Variants in SVIP observed in about 807,000 individuals in gnomAD.
The protein encoded by SVIP is small VCP/p97-interacting protein.
SVIP carries 14 observed loss-of-function variants against 12.9 expected under a neutral mutation model. That is an observed-to-expected ratio of 1.08 (90% CI 0.72 to 1.70). SVIP has a LOEUF of 1.70. Ranked by LOEUF, SVIP falls within the 40% of genes most tolerant of loss-of-function variation. The probability of loss-of-function intolerance (pLI) is 0.00; values close to 1 mark genes in which losing one functional copy is unlikely to be tolerated. For missense variants in SVIP, 93 were observed against 90.8 expected, an observed-to-expected ratio of 1.02 and a Z score of -0.10; for synonymous variants, 35 against 33.3, an observed-to-expected ratio of 1.05 and a Z score of -0.17.
chr11:22,828,079 A>G (rs1300836559), intron 1 of SVIP, among the ~76,000 whole-genome samples: 4 of 152,218 alleles, frequency 2.6e-5, no homozygotes, highest in African/African-American at 9.6e-5. Context: ...TAAAACAGAT[A>G]CAAGGTTTAC....
chr11:22,819,274 AAGG>A lies in SVIP; in HGVS notation c.*3842_*3844del, dbSNP rs909357754. ...GGGCATTTTAGGAGTTTGATAGGAA[AAGG>A]AGTTTAGCATAACTCCTTGATATCT... On this transcript the variant is annotated 3_prime_UTR_variant, in exon 4 of 4. Transcript: ENST00000354193. 2 of 152,214 alleles carry A rather than the reference AAGG, an allele frequency of 1.3e-5. No homozygotes were observed. Among genetic ancestry groups the A allele is most frequent in the African/African-American group, 4.8e-5 (2 of 41,460 alleles). The allele number at this position is 152,214 out of a possible 1,614,324, so 9.4% of individuals were successfully genotyped here.
rs1857491825 is a variant in SVIP, at chr11:22,821,693, C to T, written c.*1426G>A. The T allele has an allele frequency of 6.6e-6, 1 of 152,058 alleles. No individual in the cohort carries two copies. The highest frequency in any genetic ancestry group is 2.4e-5 in the African/African-American group (1 of 41,394). The allele number at this position is 152,058 out of a possible 1,614,324, so 9.4% of individuals were successfully genotyped here. On this transcript the variant is annotated 3_prime_UTR_variant, in exon 4 of 4. Coordinates refer to ENST00000354193, the MANE Select transcript of SVIP (RefSeq NM_148893.3). ...AAAATATAGTTCAATGATTTCACTA[C>T]CCTTTATGAACAAAAACAGCACGAA... is the stretch of plus-strand genomic sequence containing the variant.
intron 2 of SVIP, 122 bp from the exon 3 acceptor site, chr11:22,827,442 T>G: frequency 1.3e-6 from 1 of 771,754 alleles, no homozygotes; most frequent in East Asian, 2.7e-5. Context: ...GGTTTATTTT[T>G]GGTAACATAG....
In SVIP at chr11:22,821,163, T is replaced by C. The variant is rs1857471967; in HGVS notation, c.*1956A>G. On this transcript the variant is annotated 3_prime_UTR_variant, in exon 4 of 4. Coordinates refer to ENST00000354193, the MANE Select transcript of SVIP (RefSeq NM_148893.3). ...ATATATATATATAATTTTTTAGTCA[T>C]GTTTTTAGTCATTTGCTTTTTTTTT... The C allele has an allele frequency of 2.0e-5, 3 of 148,230 alleles. No individual in the cohort carries two copies. Among genetic ancestry groups the C allele is most frequent in the East Asian group, 2.0e-4 (1 of 5,126 alleles). 9.2% of individuals were successfully genotyped at this position (148,230 alleles called of 1,614,324 possible). A position where few individuals can be genotyped will look rare whatever the true frequency, so the allele number is the denominator to read the frequency against.
intron 1 of SVIP, among the ~76,000 whole-genome samples, chr11:22,828,912 T>C (rs749842640): frequency 6.6e-6 from 1 of 152,074 alleles, no homozygotes; most frequent in Non-Finnish European, 1.5e-5. Context: ...AGTACTAATG[T>C]AAAGATACTG....
Position 22,823,504 on chromosome 11 carries a change from G to A in SVIP, c.220-371C>T, listed in dbSNP as rs149828877. The stretch of plus-strand genomic sequence containing the variant: ...TCCAGTCCCTCCCTAAAGACAGGAC[G>A]TCCTTCAATGCTTTAGCCCAAGGAG... On this transcript the variant is annotated intron_variant, in intron 3 of 3. Transcript: ENST00000354193. Among the ~76,000 whole-genome samples, 3 of 152,202 alleles carry A rather than the reference G, an allele frequency of 2.0e-5. No individual in the cohort carries two copies. The East Asian group carries it at 5.8e-4, about 29-fold the overall frequency.
chr11:22,825,137 G>A (rs546734671), intron 3 of SVIP, among the ~76,000 whole-genome samples: 4 of 152,092 alleles, frequency 2.6e-5, no homozygotes, highest in African/African-American at 9.6e-5. Flanking sequence ...GTAGAGTCAG[G>A]TCAGAAAGAC....
rs1857780748 is a variant in SVIP, at chr11:22,827,847, C to A, written c.82G>T (p.Ala28Ser). ...LEEKRAKLAEAAERRQKEAAS... is the reference protein window; with the variant it reads ...LEEKRAKLAESAERRQKEAAS... ...ACCTCTTTTTGTCTTCTCTCTGCAGCCTCTGCAAGCTTTGCTCTTTTCTCT... is the reference window on the plus strand; with the variant it reads ...ACCTCTTTTTGTCTTCTCTCTGCAGACTCTGCAAGCTTTGCTCTTTTCTCT... The change falls in exon 2 of 4, where the codon GCT (alanine) becomes TCT (serine). Residue 28 changes from alanine to serine, a missense_variant. Ala to Ser is a moderately conservative substitution (Grantham distance 99). Coordinates refer to ENST00000354193, the MANE Select transcript of SVIP (RefSeq NM_148893.3). 1 of 1,582,524 alleles carries A rather than the reference C, an allele frequency of 6.3e-7. No individual in the cohort carries two copies. The highest frequency in any genetic ancestry group is 1.7e-5 in the Admixed American group (1 of 57,716).
Position 22,821,657 on chromosome 11 carries a change from A to G in SVIP, c.*1462T>C, listed in dbSNP as rs2134741082. Reference sequence around the variant, plus strand: ...AAAAATCATTTTAATAAAATCAAAAATTTTCATTCTAAAATATAGTTCAAT... The same window carrying G: ...AAAAATCATTTTAATAAAATCAAAAGTTTTCATTCTAAAATATAGTTCAAT... On this transcript the variant is annotated 3_prime_UTR_variant, in exon 4 of 4. Transcript: ENST00000354193. The G allele has an allele frequency of 6.6e-6, 1 of 152,300 alleles. No homozygotes were observed. Among genetic ancestry groups the G allele is most frequent in the East Asian group, 1.9e-4 (1 of 5,188 alleles). The allele number at this position is 152,300 out of a possible 1,614,324, so 9.4% of individuals were successfully genotyped here. A position where few individuals can be genotyped will look rare whatever the true frequency, so the allele number is the denominator to read the frequency against.
At chr11:22,823,171 A>T (rs1473550945) in intron 3 of SVIP, 38 bp from the exon 4 acceptor site, 1 of 1,501,454 alleles carries the variant, frequency 6.7e-7, no homozygotes, top group Non-Finnish European at 9.1e-7. Context: ...AGTAAATTTT[A>T]CTTGAAGTTA....
chr11:22,829,368 C>T (rs1857856819), intron 1 of SVIP: 1 of 278,070 alleles, frequency 3.6e-6, no homozygotes, highest in Non-Finnish European at 6.7e-6. Context: ...CCACATCCCC[C>T]GGAATGTCCC....
chr11:22,827,323 T>C lies in SVIP; in HGVS notation c.106-3A>G. ...TCTAAAATTCCCCGAGATGCAGCCT[T>C]GAAGAAATTTGATAAGAAAAACAGA... On this transcript the variant is annotated splice_region_variant and splice_polypyrimidine_tract_variant and intron_variant, in intron 2 of 3. Transcript: ENST00000354193. 6.3e-7 allele frequency: 1 copy of C among 1,586,592 alleles called. No individual in the cohort carries two copies. The highest frequency in any genetic ancestry group is 8.5e-7 in the Non-Finnish European group (1 of 1,170,470).
rs1361167393 is a variant in SVIP at position 22,821,310 on chromosome 11, A to G, written c.*1809T>C. ...CCTGCGACCCATGTGGTTTTGGAGA[A>G]AGCTGATCACACTCACGGTGACAGG... On this transcript the variant is annotated 3_prime_UTR_variant, in exon 4 of 4. Coordinates refer to ENST00000354193, the MANE Select transcript of SVIP (RefSeq NM_148893.3). 4.6e-5 allele frequency: 7 copies of G among 152,042 alleles called. No individual in the cohort carries two copies. The highest frequency in any genetic ancestry group is 2.1e-4 in the South Asian group (1 of 4,812). 9.4% of individuals were successfully genotyped at this position (152,042 alleles called of 1,614,324 possible). A position where few individuals can be genotyped will look rare whatever the true frequency, so the allele number is the denominator to read the frequency against.
In SVIP at chr11:22,820,756, G is replaced by A. The variant is rs541332082; in HGVS notation, c.*2363C>T. 3.3e-5 allele frequency: 5 copies of A among 152,118 alleles called. No individual in the cohort carries two copies. The highest frequency in any genetic ancestry group is 7.2e-5 in the African/African-American group (3 of 41,420). The allele number at this position is 152,118 out of a possible 1,614,324, so 9.4% of individuals were successfully genotyped here. On this transcript the variant is annotated 3_prime_UTR_variant, in exon 4 of 4. Coordinates refer to ENST00000354193, the MANE Select transcript of SVIP (RefSeq NM_148893.3). ...AGATGTTTTAAAAAACATGCAGCAC[G>A]TTACAAAGAGGCCGTGTAATAATTC... is the stretch of plus-strand genomic sequence containing the variant.
In SVIP at chr11:22,820,476, T is replaced by C. The variant is rs1194846026; in HGVS notation, c.*2643A>G. On this transcript the variant is annotated 3_prime_UTR_variant, in exon 4 of 4. Coordinates refer to ENST00000354193, the MANE Select transcript of SVIP (RefSeq NM_148893.3). ...TTGTATGAACACACCAAACAACCTT[T>C]GGTTCTGTTGCTCTTCTGAATCCCA... The C allele has an allele frequency of 6.6e-6, 1 of 152,212 alleles. No homozygotes were observed. Among genetic ancestry groups the C allele is most frequent in the Non-Finnish European group, 1.5e-5 (1 of 68,040 alleles). 9.4% of individuals were successfully genotyped at this position (152,212 alleles called of 1,614,324 possible).
rs549927261 is a variant in SVIP, at chr11:22,824,881, G to GA, written c.220-1749dup. Among the ~76,000 whole-genome samples the GA allele has an allele frequency of 9.9e-5, 15 of 152,202 alleles. No individual in the cohort carries two copies. The South Asian group carries it at 2.9e-3, about 29-fold the overall frequency. On this transcript the variant is annotated intron_variant, in intron 3 of 3. Transcript: ENST00000354193. ...ACAATCCTTTTTGAAAGCTGCCTAT[G>GA]AAACTCCAACATGCAGCTAAGGTGG...
intron 3 of SVIP, among the ~76,000 whole-genome samples, chr11:22,825,600 T>G (rs1857667653): frequency 6.6e-6 from 1 of 152,104 alleles, no homozygotes; most frequent in Non-Finnish European, 1.5e-5. Context: ...AAATTTAACT[T>G]TGGGTATGTT....
intron 3 of SVIP, among the ~76,000 whole-genome samples, chr11:22,826,354 ATG>A (rs368709146): frequency 3.4e-5 from 5 of 145,154 alleles, no homozygotes; most frequent in African/African-American, 5.0e-5. Flanking sequence ...ATGTATGTGC[ATG>A]TGTGTGTGTG....
intron 3 of SVIP, among the ~76,000 whole-genome samples, chr11:22,824,792 A>G (rs1857632059): frequency 6.6e-6 from 1 of 152,144 alleles, no homozygotes; most frequent in African/African-American, 2.4e-5. Flanking sequence ...TGGGAAGCTT[A>G]AAACAGTCCT....
Sources: gnomAD v4.1 joint callset for allele counts (sites outside exome capture counted in the v4.1 genomes callset) on GRCh38, gnomAD v4.1.1 for gene constraint, MANE v1.5 for transcripts, NCBI Gene and HGNC (gene_info 2026-07-23, HGNC 2026-07-21) for gene names.